The following SHOC2 variants were observed in gnomAD, a reference collection of about 807,000 sequenced individuals.
SHOC2 encodes SHOC2 leucine rich repeat scaffold protein.
In SHOC2, 4 loss-of-function variants were observed where a neutral mutation model predicts 50.2. That is an observed-to-expected ratio of 0.08 (90% CI 0.04 to 0.18). The LOEUF is 0.18. SHOC2 is among the 10% of genes least tolerant of loss of function. The pLI is 1.00. For synonymous variants in SHOC2, 218 were observed against 244.5 expected, an observed-to-expected ratio of 0.89 and a Z score of 1.01; for missense variants, 388 against 669.6, an observed-to-expected ratio of 0.58 and a Z score of 4.64.
chr10:110,958,220 CTT>C (rs34136641), intron 1 of SHOC2, among the ~76,000 whole-genome samples: 1 of 145,510 alleles, frequency 6.9e-6, no homozygotes, highest in Non-Finnish European at 1.5e-5. Context: ...TTCTTTCTTT[CTT>C]TTTTTTTTTT....
intron 2 of SHOC2, among the ~76,000 whole-genome samples, chr10:110,965,330 G>A (rs1590805072): frequency 2.0e-5 from 3 of 152,050 alleles, no homozygotes; most frequent in East Asian, 3.9e-4. Context: ...TGGAGAATAA[G>A]TAAATTTAAA....
intron 5 of SHOC2, among the ~76,000 whole-genome samples, chr10:111,006,752 C>CAT (rs1848476020): frequency 6.6e-6 from 1 of 152,150 alleles, no homozygotes; most frequent in African/African-American, 2.4e-5. Flanking sequence ...AACATACTGA[C>CAT]ATACATTGTT....
chr10:110,954,706 G>A (rs1590797101), intron 1 of SHOC2, among the ~76,000 whole-genome samples: 1 of 152,140 alleles, frequency 6.6e-6, no homozygotes, highest in Admixed American at 6.5e-5. Context: ...ACTAATAAAT[G>A]TTATGAAGAA....
intron 1 of SHOC2, chr10:110,937,255 G>A: frequency 2.1e-6 from 2 of 934,668 alleles, no homozygotes; most frequent in South Asian, 1.4e-5. Flanking sequence ...CCTTGGGAAA[G>A]CTGCTTTTTT....
chr10:110,977,178 T>C (rs1330501837), intron 2 of SHOC2, among the ~76,000 whole-genome samples: 2 of 152,120 alleles, frequency 1.3e-5, no homozygotes, highest in Non-Finnish European at 2.9e-5. Context: ...AGTTTCCTCT[T>C]TTATTTTTGT....
chr10:110,955,476 T>C (rs1247160626), intron 1 of SHOC2, among the ~76,000 whole-genome samples: 1 of 152,210 alleles, frequency 6.6e-6, no homozygotes, highest in East Asian at 1.9e-4. Flanking sequence ...GGTAGGTTTT[T>C]AGTGAGATTG....
chr10:111,007,683 C>G (rs1483508048), intron 6 of SHOC2, 30 bp downstream of exon 6: 2 of 1,609,718 alleles, frequency 1.2e-6, no homozygotes, highest in South Asian at 2.2e-5. Context: ...TAGAGAACTT[C>G]AGAACCTTCC....
intron 1 of SHOC2, among the ~76,000 whole-genome samples, chr10:110,939,590 G>C (rs1847096853): frequency 6.6e-6 from 1 of 152,136 alleles, no homozygotes; most frequent in Non-Finnish European, 1.5e-5. Context: ...TATGATGTTA[G>C]ATTGATGTTA....
chr10:111,007,436 T>A (rs1356733363), intron 5 of SHOC2, 95 bp from the exon 6 acceptor site: 1 of 1,360,770 alleles, frequency 7.3e-7, no homozygotes, highest in African/African-American at 1.4e-5. Context: ...GAATAAGATT[T>A]TGTTTAATTA....
At chr10:110,977,354 C>T (rs572687723) in intron 2 of SHOC2, among the ~76,000 whole-genome samples, 4 of 152,092 alleles carry the variant, frequency 2.6e-5, no homozygotes, top group South Asian at 4.2e-4. Flanking sequence ...TGGGTTCAAG[C>T]GATTCTCCTG....
intron 1 of SHOC2, among the ~76,000 whole-genome samples, chr10:110,926,243 A>T (rs572327704): frequency 6.6e-6 from 1 of 152,312 alleles, no homozygotes; most frequent in African/African-American, 2.4e-5. Context: ...TAAGATGAGC[A>T]TTGAGTATGT....
intron 2 of SHOC2, among the ~76,000 whole-genome samples, chr10:110,976,412 A>G (rs1247397448): frequency 6.6e-6 from 1 of 150,482 alleles, no homozygotes; most frequent in South Asian, 2.1e-4. Flanking sequence ...CCTGGGCTCT[A>G]GTGATCCTTC....
intron 1 of SHOC2, among the ~76,000 whole-genome samples, chr10:110,923,516 A>T (rs1249922945): frequency 6.6e-6 from 1 of 152,124 alleles, no homozygotes; most frequent in Non-Finnish European, 1.5e-5. Context: ...TAAGCTTTTG[A>T]GATAATGGTA....
chr10:110,919,763 T>A (rs968409816), intron 1 of SHOC2, 106 bp downstream of exon 1: 23 of 393,882 alleles, frequency 5.8e-5, no homozygotes, highest in African/African-American at 4.1e-4. Flanking sequence ...GGAGGCCCCG[T>A]GCGCCCTGAC....
chr10:110,996,777 C>G (rs1207113937), intron 3 of SHOC2, among the ~76,000 whole-genome samples: 1 of 152,108 alleles, frequency 6.6e-6, no homozygotes, highest in Non-Finnish European at 1.5e-5. Context: ...ACATCAAATA[C>G]ATATTACCAG....
At chr10:111,000,364 G>A in intron 3 of SHOC2, 51 bp from the exon 4 acceptor site, 1 of 1,585,506 alleles carries the variant, frequency 6.3e-7, no homozygotes, top group Non-Finnish European at 8.7e-7. Flanking sequence ...ACAGTGAGAG[G>A]CTCATCAGAT....
intron 2 of SHOC2, among the ~76,000 whole-genome samples, chr10:110,984,219 T>C (rs6421360): frequency 0.8 from 121,411 of 152,058 alleles, 48,892 homozygotes; most frequent in East Asian, 0.95. Context: ...AGTGGTATCT[T>C]GTTGTGATTT....
chr10:110,934,783 G>C (rs1161351438), intron 1 of SHOC2, among the ~76,000 whole-genome samples: 1 of 152,026 alleles, frequency 6.6e-6, no homozygotes, highest in Non-Finnish European at 1.5e-5. Flanking sequence ...TGGTAGACCA[G>C]AGAACTAACC....
In SHOC2 at chr10:110,996,410, C is replaced by G. The variant is rs184188704; in HGVS notation, c.842-4005C>G. On this transcript the variant is annotated intron_variant, in intron 3 of 8. Coordinates refer to ENST00000369452, the MANE Select transcript of SHOC2 (RefSeq NM_007373.4). ...GGTGTGGTGGTGCATGCCTGTAGTCCGTGCTACTCCAGAGGCTAAGGTGGG... is the reference window on the plus strand; with the variant it reads ...GGTGTGGTGGTGCATGCCTGTAGTCGGTGCTACTCCAGAGGCTAAGGTGGG... Among the ~76,000 whole-genome samples the G allele has an allele frequency of 1.7e-3, 260 of 151,722 alleles. 7 individuals carry two copies. The highest frequency in any genetic ancestry group is 0.015 in the Admixed American group (235 of 15,240).
Sources: allele counts gnomAD v4.1 joint callset (sites outside exome capture counted in the v4.1 genomes callset), GRCh38; gene constraint gnomAD v4.1.1; transcripts MANE v1.5; gene names NCBI Gene and HGNC (gene_info 2026-07-23, HGNC 2026-07-21).